CSNK2A2IP: variants seen among roughly 807,000 people sequenced by gnomAD.
CSNK2A2IP encodes the protein casein kinase 2 subunit alpha' interacting protein, also known as casein kinase II subunit alpha'-interacting protein.
chr3:88,384,726 G>A, the CSNK2A2IP span, among the ~76,000 whole-genome samples: 3 of 152,142 alleles, frequency 2.0e-5, no homozygotes, highest in Non-Finnish European at 4.4e-5. Context: ...AGGGAGTCAA[G>A]ATAGAGACAT....
the CSNK2A2IP span, chr3:88,465,985 G>A: frequency 7.3e-6 from 9 of 1,231,590 alleles, no homozygotes; most frequent in East Asian, 3.2e-5. Flanking sequence ...CAAACGAAAA[G>A]CCCTTAGCTC....
At chr3:88,443,786 A>C in the CSNK2A2IP span, among the ~76,000 whole-genome samples, 1 of 152,194 alleles carries the variant, frequency 6.6e-6, no homozygotes, top group East Asian at 1.9e-4. Context: ...TAATGCACAT[A>C]GCAAGGACTG....
chr3:88,422,859 T>C, the CSNK2A2IP span, among the ~76,000 whole-genome samples: 3 of 152,242 alleles, frequency 2.0e-5, no homozygotes, highest in South Asian at 6.2e-4. Context: ...ATTTTCTCAG[T>C]TGTTTTCTCT....
the CSNK2A2IP span, among the ~76,000 whole-genome samples, chr3:88,367,957 T>C: frequency 3.8e-4 from 58 of 152,076 alleles, no homozygotes; most frequent in Non-Finnish European, 6.9e-4. Flanking sequence ...GCAGTGAGCG[T>C]TCTGTTGTGA....
At chr3:88,412,870 AT>A in the CSNK2A2IP span, among the ~76,000 whole-genome samples, 1 of 151,964 alleles carries the variant, frequency 6.6e-6, no homozygotes. Flanking sequence ...CAGAATTATA[AT>A]TTTTTGGAAC....
the CSNK2A2IP span, among the ~76,000 whole-genome samples, chr3:88,359,330 C>A: frequency 7.0e-6 from 1 of 143,644 alleles, no homozygotes; most frequent in African/African-American, 2.4e-5. Flanking sequence ...AAACAAAATT[C>A]ATTGGTTTAT....
chr3:88,386,377 C>T, the CSNK2A2IP span, among the ~76,000 whole-genome samples: 2 of 152,184 alleles, frequency 1.3e-5, no homozygotes, highest in Non-Finnish European at 2.9e-5. Context: ...CCACCTGCCT[C>T]GGCCTCTCAA....
chr3:88,453,330 T>C, the CSNK2A2IP span, among the ~76,000 whole-genome samples: 1 of 152,112 alleles, frequency 6.6e-6, no homozygotes, highest in Non-Finnish European at 1.5e-5. Flanking sequence ...CAGGGGTTGA[T>C]ATGGTCACAG....
the CSNK2A2IP span, among the ~76,000 whole-genome samples, chr3:88,401,034 A>G: frequency 6.6e-6 from 1 of 152,148 alleles, no homozygotes; most frequent in South Asian, 2.1e-4. Flanking sequence ...TATTTAGGTT[A>G]AGGCCTTGAA....
At chr3:88,415,484 G>A in the CSNK2A2IP span, among the ~76,000 whole-genome samples, 2 of 151,182 alleles carry the variant, frequency 1.3e-5, no homozygotes, top group African/African-American at 4.9e-5. Context: ...GTTCTTCATG[G>A]TATGATTTAA....
At chr3:88,368,279 T>C in the CSNK2A2IP span, among the ~76,000 whole-genome samples, 2 of 151,888 alleles carry the variant, frequency 1.3e-5, no homozygotes, top group Admixed American at 1.3e-4. Flanking sequence ...TTCAAGCAGG[T>C]GACATTTTTG....
the CSNK2A2IP span, among the ~76,000 whole-genome samples, chr3:88,462,058 T>G: frequency 1.3e-5 from 2 of 151,578 alleles, no homozygotes; most frequent in East Asian, 3.9e-4. Flanking sequence ...CCATCCTAAT[T>G]CCATTGCCTT....
the CSNK2A2IP span, among the ~76,000 whole-genome samples, chr3:88,396,619 T>G: frequency 6.6e-6 from 1 of 152,158 alleles, no homozygotes; most frequent in African/African-American, 2.4e-5. Flanking sequence ...TTCTGAGAGA[T>G]GATCATGGTA....
At chr3:88,421,913 C>A in the CSNK2A2IP span, among the ~76,000 whole-genome samples, 1 of 152,048 alleles carries the variant, frequency 6.6e-6, no homozygotes, top group Non-Finnish European at 1.5e-5. Context: ...GGTCTACACG[C>A]TTTTGGAATA....
the CSNK2A2IP span, among the ~76,000 whole-genome samples, chr3:88,431,834 C>T: frequency 7.2e-5 from 11 of 152,060 alleles, no homozygotes; most frequent in Non-Finnish European, 7.4e-5. Flanking sequence ...ATGTGGCATA[C>T]TTTTAGAAAA....
the CSNK2A2IP span, among the ~76,000 whole-genome samples, chr3:88,460,369 C>A: frequency 6.6e-6 from 1 of 152,048 alleles, no homozygotes; most frequent in South Asian, 2.1e-4. Flanking sequence ...CTTGTTAGTT[C>A]TATTTGTTTT....
At chr3:88,388,517 G>A in the CSNK2A2IP span, among the ~76,000 whole-genome samples, 2 of 152,152 alleles carry the variant, frequency 1.3e-5, no homozygotes, top group Non-Finnish European at 2.9e-5. Context: ...TTATTTTACA[G>A]GAAGTGCAAA....
At chr3:88,435,506 C>T in the CSNK2A2IP span, among the ~76,000 whole-genome samples, 1 of 152,106 alleles carries the variant, frequency 6.6e-6, no homozygotes, top group African/African-American at 2.4e-5. Flanking sequence ...ATCAACCAAA[C>T]TGAGGTTGAA....
the CSNK2A2IP span, among the ~76,000 whole-genome samples, chr3:88,372,694 A>T: frequency 6.6e-6 from 1 of 151,456 alleles, no homozygotes; most frequent in Non-Finnish European, 1.5e-5. Context: ...AGATAAAAAA[A>T]GCAAGACCCA....
Sources: allele counts gnomAD v4.1 joint callset (sites outside exome capture counted in the v4.1 genomes callset), GRCh38; gene constraint gnomAD v4.1.1; transcripts MANE v1.5; gene names NCBI Gene and HGNC (gene_info 2026-07-23, HGNC 2026-07-21).